The following SRGAP3 variants were observed in gnomAD, a reference collection of about 807,000 sequenced individuals.
SRGAP3 encodes the protein SLIT-ROBO Rho GTPase activating protein 3, also known as SLIT-ROBO Rho GTPase-activating protein 3.
SRGAP3 carries 39 observed loss-of-function variants against 121.1 expected under a neutral mutation model. The observed-to-expected ratio is 0.32, with a 90% CI of 0.25 to 0.42. The LOEUF (loss-of-function observed/expected upper bound fraction) is 0.42, where lower values mean the gene tolerates loss of function less well. Ranked by LOEUF, SRGAP3 falls within the 10% of genes least tolerant of loss-of-function variation. SRGAP3 has a pLI of 1.00. For synonymous variants in SRGAP3, 601 were observed against 570.0 expected (o/e 1.05, Z -0.77); for missense variants, 1,213 against 1,470.6 (o/e 0.82, Z 2.86).
At chr3:9,176,384 C>T (rs1050803176) in intron 1 of SRGAP3, among the ~76,000 whole-genome samples, 3 of 152,216 alleles carry the variant, frequency 2.0e-5, no homozygotes, top group African/African-American at 7.2e-5. Flanking sequence ...GGCAGTTACA[C>T]TAATGATCAT....
chr3:9,146,627 G>A (rs1304866897), intron 1 of SRGAP3, among the ~76,000 whole-genome samples: 1 of 152,160 alleles, frequency 6.6e-6, no homozygotes, highest in Non-Finnish European at 1.5e-5. Flanking sequence ...AGAAAGCTTG[G>A]CAGAGTTAAG....
intron 1 of SRGAP3, among the ~76,000 whole-genome samples, chr3:9,177,608 C>A (rs1951226197): frequency 6.6e-6 from 1 of 152,112 alleles, no homozygotes; most frequent in Non-Finnish European, 1.5e-5. Flanking sequence ...CTGTCAGGGG[C>A]CCAAGTCCCT....
chr3:9,181,173 A>G (rs1951385877), intron 1 of SRGAP3, among the ~76,000 whole-genome samples: 1 of 152,234 alleles, frequency 6.6e-6, no homozygotes, highest in South Asian at 2.1e-4. Context: ...GAATGAAATT[A>G]TGTGTGAAAT....
chr3:9,031,284 G>C (rs1407233385), intron 12 of SRGAP3, among the ~76,000 whole-genome samples: 1 of 152,194 alleles, frequency 6.6e-6, no homozygotes, highest in African/African-American at 2.4e-5. Flanking sequence ...GGGCAAGGAT[G>C]AAAGAAGAAA....
At chr3:9,184,782 T>C (rs1011879641) in intron 1 of SRGAP3, among the ~76,000 whole-genome samples, 1 of 152,024 alleles carries the variant, frequency 6.6e-6, no homozygotes, top group Non-Finnish European at 1.5e-5. Context: ...CCAGCCTGGC[T>C]CCTTATCCTT....
At chr3:9,185,961 G>A (rs748926505) in intron 1 of SRGAP3, among the ~76,000 whole-genome samples, 1 of 152,166 alleles carries the variant, frequency 6.6e-6, no homozygotes, top group Admixed American at 6.5e-5. Context: ...GGCCAGGAGT[G>A]GGCAGGCACA....
rs1955484217 is a variant in SRGAP3 at position 9,324,470 on chromosome 3, T to A, written n.442+1540A>T. The stretch of plus-strand genomic sequence containing the variant: ...AAAGACTGAGTAGAAGCTACCTCCC[T>A]ATGCTGGAACATCCTGTTTACAGGA... On this transcript the variant is annotated intron_variant and non_coding_transcript_variant, in intron 3 of 3. Coordinates refer to the SRGAP3 transcript ENST00000490889. Among the ~76,000 whole-genome samples the A allele has an allele frequency of 2.0e-5, 3 of 151,916 alleles. No homozygotes were observed. In the South Asian group the frequency reaches 6.2e-4, roughly 31 times the overall value.
intron 3 of SRGAP3, among the ~76,000 whole-genome samples, chr3:9,303,799 CAACA>C (rs1190692733): frequency 6.6e-6 from 1 of 152,194 alleles, no homozygotes; most frequent in Non-Finnish European, 1.5e-5. Context: ...TTAATCCACA[CAACA>C]GCCTGTTAAG....
At chr3:9,359,129 T>C (rs1041103033) in intron 1 of SRGAP3, among the ~76,000 whole-genome samples, 6 of 152,088 alleles carry the variant, frequency 3.9e-5, no homozygotes, top group South Asian at 2.1e-4. Context: ...GGGAGAATGA[T>C]TGGATGGGGA....
chr3:9,148,540 AC>A (rs1950101474), intron 1 of SRGAP3, among the ~76,000 whole-genome samples: 1 of 152,186 alleles, frequency 6.6e-6, no homozygotes, highest in Non-Finnish European at 1.5e-5. Context: ...GAAACAGGGT[AC>A]CCCCATTTCC....
chr3:9,182,175 C>CAAAAAAAAAAAAAAAA (rs34305216), intron 1 of SRGAP3, among the ~76,000 whole-genome samples: 9 of 37,284 alleles, frequency 2.4e-4, no homozygotes, highest in Admixed American at 3.9e-4. Context: ...GACTCTGTCT[C>CAAAAAAAAAAAAAAAA]AAAAAAAAAA....
At chr3:9,006,581 T>C (rs1449934992) in intron 18 of SRGAP3, among the ~76,000 whole-genome samples, 1 of 152,166 alleles carries the variant, frequency 6.6e-6, no homozygotes, top group Non-Finnish European at 1.5e-5. Flanking sequence ...CTGTATTCTG[T>C]ACAATACCAT....
chr3:9,133,903 G>A (rs1370613475), intron 1 of SRGAP3, among the ~76,000 whole-genome samples: 1 of 152,200 alleles, frequency 6.6e-6, no homozygotes, highest in African/African-American at 2.4e-5. Context: ...AGTAAAATAA[G>A]ACTGGCCTTG....
intron 3 of SRGAP3, among the ~76,000 whole-genome samples, chr3:9,293,576 C>T (rs141862220): frequency 4.3e-4 from 65 of 152,176 alleles, no homozygotes; most frequent in African/African-American, 1.5e-3. Flanking sequence ...AAAATTTTTG[C>T]AAACCATGCA....
intron 18 of SRGAP3, among the ~76,000 whole-genome samples, chr3:9,005,939 A>T (rs1001801292): frequency 1.2e-4 from 17 of 143,644 alleles, no homozygotes; most frequent in Non-Finnish European, 2.0e-4. Flanking sequence ...TGTGTGATCT[A>T]TAACTCAATA....
At chr3:9,086,191 T>C (rs1014945206) in intron 3 of SRGAP3, among the ~76,000 whole-genome samples, 5 of 152,228 alleles carry the variant, frequency 3.3e-5, no homozygotes, top group Admixed American at 2.6e-4. Flanking sequence ...CCTGCATTTC[T>C]GCAATGCAAC....
chr3:9,257,753 G>A (rs1053211125), intron 3 of SRGAP3, among the ~76,000 whole-genome samples: 5 of 126,468 alleles, frequency 4.0e-5, no homozygotes, highest in Non-Finnish European at 6.2e-5. Context: ...CGTCCAGGCT[G>A]GAGCACAGTA....
intron 3 of SRGAP3, among the ~76,000 whole-genome samples, chr3:9,278,101 T>C (rs749578914): frequency 5.1e-4 from 77 of 152,220 alleles, no homozygotes; most frequent in Non-Finnish European, 9.8e-4. Context: ...TACATGGTTG[T>C]TGTTTATTAG....
chr3:9,357,893 G>A (rs1186535429), intron 1 of SRGAP3, among the ~76,000 whole-genome samples: 1 of 143,616 alleles, frequency 7.0e-6, no homozygotes, highest in African/African-American at 2.6e-5. Context: ...TTTCTTTTTT[G>A]AGATGGAGTC....
Sources: allele counts gnomAD v4.1 joint callset (sites outside exome capture counted in the v4.1 genomes callset), GRCh38; gene constraint gnomAD v4.1.1; transcripts MANE v1.5; gene names NCBI Gene and HGNC (gene_info 2026-07-23, HGNC 2026-07-21).